Variants in PTPRT observed in about 807,000 individuals in gnomAD.
PTPRT encodes receptor-type tyrosine-protein phosphatase T.
A neutral mutation model predicts 176.8 loss-of-function variants in PTPRT; 56 were observed. The ratio of observed to expected loss-of-function variants is 0.32; its 90% CI spans 0.26 to 0.40. The LOEUF (loss-of-function observed/expected upper bound fraction) is 0.40, where lower values mean the gene tolerates loss of function less well. Ranked by LOEUF, PTPRT falls within the 10% of genes least tolerant of loss-of-function variation. The pLI, the probability that PTPRT is intolerant of heterozygous loss-of-function variation, is 1.00. For missense variants in PTPRT, 1,540 were observed against 1,908.2 expected, an observed-to-expected ratio of 0.81 and a Z score of 3.60; for synonymous variants, 783 against 739.0, an observed-to-expected ratio of 1.06 and a Z score of -0.96.
chr20:42,904,510 C>CA (rs2079448463), intron 1 of PTPRT, among the ~76,000 whole-genome samples: 1 of 152,146 alleles, frequency 6.6e-6, no homozygotes, highest in Admixed American at 6.5e-5. Context: ...AGTACCAAGG[C>CA]AATGCCCATA....
At chr20:43,178,406 T>A (rs116988260) in intron 1 of PTPRT, among the ~76,000 whole-genome samples, 6,485 of 152,256 alleles carry the variant, frequency 0.043, 193 homozygotes, top group Non-Finnish European at 0.066. Flanking sequence ...TGGCTCAAAG[T>A]TGTGATTTCT....
chr20:42,205,143 A>G (rs1490074392), intron 15 of PTPRT, among the ~76,000 whole-genome samples: 1 of 151,918 alleles, frequency 6.6e-6, no homozygotes, highest in African/African-American at 2.4e-5. Flanking sequence ...TGGGTGCAGC[A>G]CACCAACATG....
At chr20:42,366,877 G>A (rs904460408) in intron 9 of PTPRT, among the ~76,000 whole-genome samples, 1 of 152,228 alleles carries the variant, frequency 6.6e-6, no homozygotes, top group Non-Finnish European at 1.5e-5. Flanking sequence ...CTGCAGTCAC[G>A]CCTCATTAGG....
At chr20:42,788,244 C>CA in intron 3 of PTPRT, among the ~76,000 whole-genome samples, 1 of 152,018 alleles carries the variant, frequency 6.6e-6, no homozygotes, top group African/African-American at 2.4e-5. Context: ...ACCCCAAGGC[C>CA]AGCTCTGTCC....
intron 13 of PTPRT, among the ~76,000 whole-genome samples, chr20:42,253,669 G>A (rs1267228491): frequency 6.6e-6 from 1 of 152,066 alleles, no homozygotes; most frequent in African/African-American, 2.4e-5. Context: ...CTCCAATTGG[G>A]GAAGCTTTGA....
chr20:43,140,355 C>T (rs2013962780), intron 1 of PTPRT, among the ~76,000 whole-genome samples: 1 of 152,042 alleles, frequency 6.6e-6, no homozygotes, highest in African/African-American at 2.4e-5. Flanking sequence ...ACATTTCCTG[C>T]ACATGAACAC....
At chr20:42,631,752 A>T (rs1252211021) in intron 7 of PTPRT, among the ~76,000 whole-genome samples, 1 of 152,186 alleles carries the variant, frequency 6.6e-6, no homozygotes. Context: ...TTCTTGAAGA[A>T]GCTTGTGTAA....
the PTPRT span, among the ~76,000 whole-genome samples, chr20:42,039,704 T>TATATATATATA: frequency 4.6e-5 from 3 of 65,144 alleles, 1 homozygote; most frequent in Non-Finnish European, 1.3e-4. Flanking sequence ...ATATATATAG[T>TATATATATATA]AATGTATATT....
intron 11 of PTPRT, among the ~76,000 whole-genome samples, chr20:42,348,944 A>C (rs1303985592): frequency 6.6e-6 from 1 of 152,176 alleles, no homozygotes; most frequent in Non-Finnish European, 1.5e-5. Context: ...AGACATGCAA[A>C]ACCAAGAGTA....
intron 1 of PTPRT, among the ~76,000 whole-genome samples, chr20:43,176,990 A>G (rs769796713): frequency 1.3e-5 from 2 of 152,192 alleles, no homozygotes; most frequent in Non-Finnish European, 2.9e-5. Context: ...CTGTGTAGTC[A>G]CCGCACTCCC....
intron 1 of PTPRT, among the ~76,000 whole-genome samples, chr20:43,090,458 C>CG (rs2011788676): frequency 6.6e-6 from 1 of 151,988 alleles, no homozygotes; most frequent in Non-Finnish European, 1.5e-5. Flanking sequence ...TTAGTAGAGA[C>CG]AGGGTTTCAC....
At chr20:42,958,092 T>C (rs532220147) in intron 1 of PTPRT, among the ~76,000 whole-genome samples, 64 of 143,792 alleles carry the variant, frequency 4.5e-4, no homozygotes, top group African/African-American at 1.5e-3. Flanking sequence ...GCAAATGACA[T>C]AGCATGCTTG....
At chr20:42,268,439 C>A (rs1013982178) in intron 13 of PTPRT, among the ~76,000 whole-genome samples, 1 of 152,144 alleles carries the variant, frequency 6.6e-6, no homozygotes, top group African/African-American at 2.4e-5. Flanking sequence ...ACAGCTCGCA[C>A]ACACTCTGGA....
At chr20:42,507,080 T>C (rs940259295) in intron 7 of PTPRT, among the ~76,000 whole-genome samples, 9 of 152,116 alleles carry the variant, frequency 5.9e-5, no homozygotes, top group Non-Finnish European at 4.4e-5. Context: ...GCCCCAAATC[T>C]TAGTGGCTTG....
chr20:42,419,251 GC>G (rs2059094547), intron 9 of PTPRT, among the ~76,000 whole-genome samples: 1 of 152,196 alleles, frequency 6.6e-6, no homozygotes, highest in African/African-American at 2.4e-5. Flanking sequence ...CAGAGGTTGA[GC>G]CTGGCTCACC....
chr20:43,048,159 G>T (rs545645807), intron 1 of PTPRT, among the ~76,000 whole-genome samples: 2 of 152,300 alleles, frequency 1.3e-5, no homozygotes, highest in South Asian at 4.1e-4. Flanking sequence ...AGAACTCCTG[G>T]GAGTTGGCTG....
At position 42,648,820 on chromosome 20, in the gene PTPRT, G is replaced by GTTGTTTTTTTTTTTTTTTTTTTT. The variant is rs1310734163; in HGVS notation, c.1153+29045_1153+29046insAAAAAAAAAAAAAAAAAAAACAA. ...GGGGATTTTTTTTTTTGGTGTCGTT[G>GTTGTTTTTTTTTTTTTTTTTTTT]TTTTTTTTTTTTTTTTTTGACAGAG... On this transcript the variant is annotated intron_variant, in intron 7 of 30. Transcript: ENST00000373187. 2.1e-4 allele frequency among the ~76,000 whole-genome samples: 23 copies of GTTGTTTTTTTTTTTTTTTTTTTT among 111,830 alleles called. 1 individual carries two copies. Among genetic ancestry groups the GTTGTTTTTTTTTTTTTTTTTTTT allele is most frequent in the African/African-American group, 8.6e-4 (23 of 26,824 alleles). The allele number at this position is 111,830 out of a possible 152,430, so 73.4% of individuals were successfully genotyped here. A position where few individuals can be genotyped will look rare whatever the true frequency, so the allele number is the denominator to read the frequency against.
At chr20:43,165,918 G>A (rs2014846634) in intron 1 of PTPRT, among the ~76,000 whole-genome samples, 1 of 152,160 alleles carries the variant, frequency 6.6e-6, no homozygotes, top group Admixed American at 6.5e-5. Flanking sequence ...GGCAAGGCAT[G>A]GTGGCTCACA....
intron 9 of PTPRT, among the ~76,000 whole-genome samples, chr20:42,392,704 G>C (rs2058811563): frequency 6.6e-6 from 1 of 152,122 alleles, no homozygotes; most frequent in Admixed American, 6.5e-5. Flanking sequence ...AAACTCAGAG[G>C]GAGTATCATC....
Sources: allele counts gnomAD v4.1 joint callset (sites outside exome capture counted in the v4.1 genomes callset), GRCh38; gene constraint gnomAD v4.1.1; transcripts MANE v1.5; gene names NCBI Gene and HGNC (gene_info 2026-07-23, HGNC 2026-07-21).